The following NPAS3 variants were observed in gnomAD, a reference collection of about 807,000 sequenced individuals.
NPAS3 encodes the protein neuronal PAS domain protein 3.
NPAS3 carries 14 observed loss-of-function variants against 73.1 expected under a neutral mutation model. That is an observed-to-expected ratio of 0.19 (90% CI 0.13 to 0.30). The LOEUF (loss-of-function observed/expected upper bound fraction) is 0.30. Ranked by LOEUF, NPAS3 falls within the 10% of genes least tolerant of loss-of-function variation. The pLI, the probability that NPAS3 is intolerant of heterozygous loss-of-function variation, is 1.00. For synonymous variants in NPAS3, 620 were observed against 541.5 expected, an observed-to-expected ratio of 1.14 and a Z score of -2.01; for missense variants, 1,096 against 1,250.0, an observed-to-expected ratio of 0.88 and a Z score of 1.86.
intron 7 of NPAS3, among the ~76,000 whole-genome samples, chr14:33,742,210 C>G (rs992924739): frequency 3.3e-5 from 5 of 152,110 alleles, no homozygotes; most frequent in Middle Eastern, 3.2e-3. Context: ...TGCTGAGATG[C>G]CCTAACAATA....
intron 4 of NPAS3, among the ~76,000 whole-genome samples, chr14:33,558,786 A>C (rs2055489404): frequency 6.6e-6 from 1 of 151,232 alleles, no homozygotes; most frequent in Non-Finnish European, 1.5e-5. Flanking sequence ...TTTTGTCATT[A>C]ATTTAGTGTT....
At chr14:33,509,921 T>G (rs2052958488) in intron 4 of NPAS3, among the ~76,000 whole-genome samples, 1 of 152,070 alleles carries the variant, frequency 6.6e-6, no homozygotes, top group African/African-American at 2.4e-5. Context: ...GCCTGTACAC[T>G]TATTTTTAAA....
intron 2 of NPAS3, among the ~76,000 whole-genome samples, chr14:33,200,975 A>G (rs2046591421): frequency 6.6e-6 from 1 of 152,186 alleles, no homozygotes; most frequent in African/African-American, 2.4e-5. Context: ...CTTTAAATCC[A>G]TTTACAATAG....
chr14:32,980,139 A>G (rs1361590036), intron 1 of NPAS3, among the ~76,000 whole-genome samples: 2 of 152,186 alleles, frequency 1.3e-5, no homozygotes, highest in African/African-American at 4.8e-5. Flanking sequence ...TTAAAAACTA[A>G]TGTAAGAAAC....
intron 5 of NPAS3, among the ~76,000 whole-genome samples, chr14:33,583,773 G>C (rs865981141): frequency 6.6e-6 from 1 of 152,212 alleles, no homozygotes; most frequent in African/African-American, 2.4e-5. Context: ...CCTAAGTGTA[G>C]CAATTTAAGA....
At chr14:33,042,989 C>T (rs909883232) in intron 1 of NPAS3, among the ~76,000 whole-genome samples, 3 of 152,052 alleles carry the variant, frequency 2.0e-5, no homozygotes, top group Non-Finnish European at 4.4e-5. Context: ...AGGAAAAGTA[C>T]TTTATATTAT....
At chr14:32,944,211 A>T (rs2036156129) in intron 1 of NPAS3, among the ~76,000 whole-genome samples, 1 of 152,128 alleles carries the variant, frequency 6.6e-6, no homozygotes, top group African/African-American at 2.4e-5. Context: ...AGCTCCTGCC[A>T]CCTCCATGCT....
At chr14:33,400,432 A>G (rs568370091) in intron 4 of NPAS3, among the ~76,000 whole-genome samples, 2 of 152,140 alleles carry the variant, frequency 1.3e-5, no homozygotes, top group African/African-American at 4.8e-5. Flanking sequence ...AAGAGTAAAA[A>G]AATTTTCTGG....
chr14:33,567,888 C>T (rs1353155553), intron 5 of NPAS3, among the ~76,000 whole-genome samples: 1 of 152,092 alleles, frequency 6.6e-6, no homozygotes, highest in African/African-American at 2.4e-5. Context: ...TTATTTGTTC[C>T]TTTGAACATA....
intron 2 of NPAS3, among the ~76,000 whole-genome samples, chr14:33,084,458 A>T (rs1277389291): frequency 6.6e-6 from 1 of 152,112 alleles, no homozygotes. Context: ...GTATAAGAAG[A>T]CCTCAGTTCA....
At chr14:33,732,440 C>G (rs961400369) in intron 6 of NPAS3, among the ~76,000 whole-genome samples, 1 of 152,214 alleles carries the variant, frequency 6.6e-6, no homozygotes, top group Non-Finnish European at 1.5e-5. Flanking sequence ...ATTGTCACAG[C>G]TGGGATAAAC....
chr14:33,538,989 T>C (rs1245792180), intron 4 of NPAS3, among the ~76,000 whole-genome samples: 1 of 152,230 alleles, frequency 6.6e-6, no homozygotes, highest in Non-Finnish European at 1.5e-5. Context: ...TTGTTTACTG[T>C]TTTCCTTATG....
intron 5 of NPAS3, among the ~76,000 whole-genome samples, chr14:33,655,751 C>T (rs1187204076): frequency 6.6e-6 from 1 of 152,058 alleles, no homozygotes; most frequent in Non-Finnish European, 1.5e-5. Context: ...CCTGTAGTGG[C>T]CTTTTTGAAG....
At chr14:33,313,189 G>A (rs1404685135) in intron 3 of NPAS3, among the ~76,000 whole-genome samples, 2 of 151,918 alleles carry the variant, frequency 1.3e-5, no homozygotes, top group East Asian at 3.9e-4. Context: ...TATCTCTATG[G>A]GTTTTATATC....
At chr14:33,741,934 A>G (rs2061664857) in intron 7 of NPAS3, among the ~76,000 whole-genome samples, 1 of 152,138 alleles carries the variant, frequency 6.6e-6, no homozygotes, top group Non-Finnish European at 1.5e-5. Flanking sequence ...CACTTTGAAA[A>G]TGACACACAT....
At chr14:33,030,777 G>T (rs1406417664) in intron 1 of NPAS3, among the ~76,000 whole-genome samples, 2 of 152,186 alleles carry the variant, frequency 1.3e-5, no homozygotes, top group Non-Finnish European at 2.9e-5. Context: ...TAGAATGGAG[G>T]ACGAGGACAT....
intron 9 of NPAS3, among the ~76,000 whole-genome samples, chr14:33,789,627 C>T (rs912321774): frequency 4.4e-5 from 5 of 114,188 alleles, no homozygotes; most frequent in East Asian, 2.8e-4. Flanking sequence ...CTCGCTCTGT[C>T]GCCCAGGCTG....
Position 33,557,841 on chromosome 14 carries a change from T to C in NPAS3, c.469-2280T>C, listed in dbSNP as rs536857341. The stretch of plus-strand genomic sequence containing the variant: ...AAAATTAGCCAGGCGTGGTGGCGGG[T>C]GCCCGTAGTCCCAGCTACTTGGGAG... On this transcript the variant is annotated intron_variant, in intron 4 of 11. Transcript: ENST00000356141. Among the ~76,000 whole-genome samples the C allele has an allele frequency of 2.1e-3, 316 of 152,204 alleles. 1 individual carries two copies. The highest frequency in any genetic ancestry group is 7.1e-3 in the African/African-American group (297 of 41,552).
intron 3 of NPAS3, among the ~76,000 whole-genome samples, chr14:33,241,075 T>C (rs1032049000): frequency 2.0e-5 from 3 of 151,930 alleles, no homozygotes; most frequent in African/African-American, 7.2e-5. Flanking sequence ...TTTTCTCTTC[T>C]TTTAAGAGTG....
Sources: allele counts gnomAD v4.1 joint callset (sites outside exome capture counted in the v4.1 genomes callset), GRCh38; gene constraint gnomAD v4.1.1; transcripts MANE v1.5; gene names NCBI Gene and HGNC (gene_info 2026-07-23, HGNC 2026-07-21).